Variants in DEPDC1B observed in about 807,000 individuals in gnomAD.
DEPDC1B encodes the protein DEP domain containing 1B.
In DEPDC1B, 51 loss-of-function variants were observed where a neutral mutation model predicts 66.5. The observed-to-expected ratio is 0.77, with a 90% CI of 0.61 to 0.97. DEPDC1B has a LOEUF of 0.97. DEPDC1B is among the 50% of genes least tolerant of loss of function. The probability of loss-of-function intolerance (pLI) is 0.00; values close to 1 mark genes in which losing one functional copy is unlikely to be tolerated. For missense variants in DEPDC1B, 552 were observed against 637.1 expected, an observed-to-expected ratio of 0.87 and a Z score of 1.44; for synonymous variants, 226 against 223.6, an observed-to-expected ratio of 1.01 and a Z score of -0.10.
intron 7 of DEPDC1B, among the ~76,000 whole-genome samples, chr5:60,616,308 T>C (rs1181692001): frequency 6.6e-6 from 1 of 151,532 alleles, no homozygotes; most frequent in Non-Finnish European, 1.5e-5. Flanking sequence ...CTTTGACGAG[T>C]TGAGAGCAGA....
At chr5:60,694,533 C>T (rs951001344) in intron 1 of DEPDC1B, among the ~76,000 whole-genome samples, 1 of 152,118 alleles carries the variant, frequency 6.6e-6, no homozygotes, top group African/African-American at 2.4e-5. Flanking sequence ...AGCCTAAAGC[C>T]TTACACTTTG....
chr5:60,654,890 T>C (rs1270440308), intron 2 of DEPDC1B, among the ~76,000 whole-genome samples: 1 of 148,992 alleles, frequency 6.7e-6, no homozygotes, highest in Non-Finnish European at 1.5e-5. Flanking sequence ...ATGATCATGA[T>C]TTTTGTTTTT....
Position 60,605,751 on chromosome 5 carries a change from G to T in DEPDC1B, c.1004C>A (p.Ala335Glu). The stretch of plus-strand genomic sequence containing the variant: ...CATCTCTTTGTTTAAGCAAATCCTT[G>T]CCATCATCCTCATCAATAGCTGTAA... ...RKLQLLMRMM[A>E]RICLNKEMPP... Residue 335 changes from alanine to glutamate, a missense_variant, in exon 8 of 11, where the codon GCA becomes GAA. Transcript: ENST00000265036. 3 of 1,613,126 alleles carry T rather than the reference G, an allele frequency of 1.9e-6. No homozygotes were observed. Among genetic ancestry groups the T allele is most frequent in the Non-Finnish European group, 2.5e-6 (3 of 1,179,508 alleles).
intron 2 of DEPDC1B, among the ~76,000 whole-genome samples, chr5:60,685,737 G>C (rs2045355): frequency 0.072 from 10,909 of 152,236 alleles, 663 homozygotes; most frequent in East Asian, 0.2. Context: ...AGCAATTAAA[G>C]TTTCCCAAGA....
chr5:60,691,187 G>A (rs930788730), intron 1 of DEPDC1B, among the ~76,000 whole-genome samples: 1 of 151,982 alleles, frequency 6.6e-6, no homozygotes, highest in Non-Finnish European at 1.5e-5. Context: ...CCAAGTAGCT[G>A]GGGTTACAGG....
intron 7 of DEPDC1B, among the ~76,000 whole-genome samples, chr5:60,635,057 C>T (rs1753013170): frequency 7.8e-6 from 1 of 127,506 alleles, no homozygotes; most frequent in Non-Finnish European, 1.7e-5. Flanking sequence ...GAAACTCCAT[C>T]TCAAGAGAAA....
At chr5:60,645,127 C>CTA (rs931163071) in intron 4 of DEPDC1B, among the ~76,000 whole-genome samples, 1 of 152,106 alleles carries the variant, frequency 6.6e-6, no homozygotes, top group African/African-American at 2.4e-5. Context: ...AGTAAAAATA[C>CTA]TACAACATAA....
intron 9 of DEPDC1B, among the ~76,000 whole-genome samples, chr5:60,599,658 C>T (rs918352478): frequency 2.0e-5 from 3 of 152,196 alleles, no homozygotes; most frequent in African/African-American, 4.8e-5. Context: ...CCTGGCCCAC[C>T]CAGGGCGGAA....
rs771788331 is a variant in DEPDC1B at position 60,700,166 on chromosome 5, C to T, written c.-73G>A. The T allele has an allele frequency of 6.8e-7, 1 of 1,471,094 alleles. No homozygotes were observed. Among genetic ancestry groups the T allele is most frequent in the Admixed American group, 2.4e-5 (1 of 42,142 alleles). 91.1% of individuals were successfully genotyped at this position (1,471,094 alleles called of 1,614,324 possible). ...CAGCCGGAGGAGCAGCAGTTTGAAT[C>T]CCAAGCCCGCGGGCTGCGGGCGCTG... On this transcript the variant is annotated 5_prime_UTR_variant, in exon 1 of 11. Transcript: ENST00000265036.
At chr5:60,669,495 T>C (rs1055341465) in intron 2 of DEPDC1B, among the ~76,000 whole-genome samples, 1 of 152,204 alleles carries the variant, frequency 6.6e-6, no homozygotes, top group African/African-American at 2.4e-5. Context: ...CAGAAATCCA[T>C]GATTTATGCA....
At chr5:60,624,333 G>C (rs1265088243) in intron 7 of DEPDC1B, among the ~76,000 whole-genome samples, 1 of 151,984 alleles carries the variant, frequency 6.6e-6, no homozygotes, top group South Asian at 2.1e-4. Flanking sequence ...TACCTTGCTG[G>C]GATAAACCCT....
At chr5:60,688,485 C>T (rs1000523571) in intron 1 of DEPDC1B, among the ~76,000 whole-genome samples, 6 of 152,204 alleles carry the variant, frequency 3.9e-5, no homozygotes, top group African/African-American at 1.4e-4. Context: ...GCAGTACCCA[C>T]ATGACAGGGT....
At chr5:60,603,624 G>A in intron 8 of DEPDC1B, 57 bp from the exon 9 acceptor site, 2 of 1,493,488 alleles carry the variant, frequency 1.3e-6, no homozygotes, top group Non-Finnish European at 1.8e-6. Flanking sequence ...TGAACTGAGT[G>A]CAATCTAATT....
At chr5:60,635,415 A>G (rs1753022027) in intron 7 of DEPDC1B, among the ~76,000 whole-genome samples, 1 of 152,228 alleles carries the variant, frequency 6.6e-6, no homozygotes, top group African/African-American at 2.4e-5. Flanking sequence ...ATCTCAACCT[A>G]TTGAGTTAAA....
rs370128604 is a variant in DEPDC1B, at chr5:60,660,433, G to A, written c.315-12900C>T. On this transcript the variant is annotated intron_variant, in intron 2 of 10. Coordinates refer to ENST00000265036, the MANE Select transcript of DEPDC1B (RefSeq NM_018369.3). Reference sequence around the variant, plus strand: ...TAATTAATAACTGAAGGTCTTCTCCGGGACCCTATAACACTCCAATACCAC... The same window carrying A: ...TAATTAATAACTGAAGGTCTTCTCCAGGACCCTATAACACTCCAATACCAC... Among the ~76,000 whole-genome samples the A allele has an allele frequency of 6.0e-4, 91 of 152,162 alleles. No homozygotes were observed. In the South Asian group the frequency reaches 7.9e-3, roughly 13 times the overall value.
At chr5:60,651,250 C>T (rs753902513) in intron 2 of DEPDC1B, among the ~76,000 whole-genome samples, 1 of 152,068 alleles carries the variant, frequency 6.6e-6, no homozygotes. Flanking sequence ...TACAATGGGC[C>T]GGCACAGTGG....
chr5:60,651,346 C>T (rs1000724578), intron 2 of DEPDC1B, among the ~76,000 whole-genome samples: 1 of 151,832 alleles, frequency 6.6e-6, no homozygotes, highest in Non-Finnish European at 1.5e-5. Context: ...TGGCCAACAT[C>T]GTGAAATCTC....
At chr5:60,667,842 A>G (rs1220434757) in intron 2 of DEPDC1B, among the ~76,000 whole-genome samples, 1 of 117,252 alleles carries the variant, frequency 8.5e-6, no homozygotes, top group Non-Finnish European at 1.7e-5. Context: ...TATGTAAAAA[A>G]TGGATATTTT....
At chr5:60,633,245 G>A (rs1303261528) in intron 7 of DEPDC1B, among the ~76,000 whole-genome samples, 1 of 152,154 alleles carries the variant, frequency 6.6e-6, no homozygotes, top group African/African-American at 2.4e-5. Context: ...CTTCTCTATG[G>A]TAGGTACTGT....
Sources: gnomAD v4.1 joint callset for allele counts (sites outside exome capture counted in the v4.1 genomes callset) on GRCh38, gnomAD v4.1.1 for gene constraint, MANE v1.5 for transcripts, NCBI Gene and HGNC (gene_info 2026-07-23, HGNC 2026-07-21) for gene names.